Variants in DGKH observed in about 807,000 individuals in gnomAD.
DGKH encodes DAG kinase eta.
Under a neutral mutation model 159.3 loss-of-function variants are expected in DGKH, and 90 were observed. That is an observed-to-expected ratio of 0.57 (90% confidence interval 0.48 to 0.67). The LOEUF (loss-of-function observed/expected upper bound fraction) is 0.67. Among genes scored for constraint, DGKH ranks in the 30% least tolerant of loss-of-function variants. The probability of loss-of-function intolerance (pLI) is 0.00; values close to 1 mark genes in which losing one functional copy is unlikely to be tolerated. For synonymous variants in DGKH, 536 were observed against 553.8 expected, an observed-to-expected ratio of 0.97 and a Z score of 0.45; for missense variants, 1,181 against 1,506.1, an observed-to-expected ratio of 0.78 and a Z score of 3.57.
At chr13:42,155,477 T>C in intron 4 of DGKH, 82 bp downstream of exon 4, 9 of 1,481,268 alleles carry the variant, frequency 6.1e-6, no homozygotes, top group Non-Finnish European at 8.4e-6. Flanking sequence ...CGTGCAAACA[T>C]AAGTATGTGT....
At chr13:42,046,740 T>C (rs1880814407), upstream of DGKH, among the ~76,000 whole-genome samples, 2 of 152,330 alleles carry the variant, frequency 1.3e-5, no homozygotes, top group Middle Eastern at 6.8e-3. Context: ...ACATAATGTA[T>C]GAATAGAAGT....
In DGKH at chr13:42,240,463, C is replaced by T. The variant is rs1958494369; in HGVS notation, c.*11275C>T. ...TTCTTAAATATGCCCTAAAGATCATCTTTCTCTTTTATAGACATTTAGTGT... is the reference window on the plus strand; with the variant it reads ...TTCTTAAATATGCCCTAAAGATCATTTTTCTCTTTTATAGACATTTAGTGT... On this transcript the variant is annotated 3_prime_UTR_variant, in exon 30 of 30. Coordinates refer to ENST00000337343, the MANE Select transcript of DGKH (RefSeq NM_178009.5). 1 of 152,196 alleles carries T rather than the reference C, an allele frequency of 6.6e-6. No homozygotes were observed. Among genetic ancestry groups the T allele is most frequent in the Admixed American group, 6.5e-5 (1 of 15,286 alleles). The allele number at this position is 152,196 out of a possible 1,614,324, so 9.4% of individuals were successfully genotyped here. A position where few individuals can be genotyped will look rare whatever the true frequency, so the allele number is the denominator to read the frequency against.
intron 26 of DGKH, among the ~76,000 whole-genome samples, chr13:42,216,259 T>C (rs2138226457): frequency 6.6e-6 from 1 of 152,352 alleles, no homozygotes; most frequent in Non-Finnish European, 1.5e-5. Flanking sequence ...TAGCCTTTCT[T>C]TATAAATACC....
chr13:42,196,864 G>A (rs1412916564), intron 17 of DGKH, among the ~76,000 whole-genome samples: 1 of 152,192 alleles, frequency 6.6e-6, no homozygotes, highest in African/African-American at 2.4e-5. Context: ...AGGCCTTCAG[G>A]TTTAGATGCT....
upstream of DGKH, chr13:42,048,623 G>A (rs1233576946): frequency 1.9e-6 from 2 of 1,028,002 alleles, no homozygotes; most frequent in Non-Finnish European, 2.5e-6. This position sits in a 1 kb window ranked among gnomAD's most constrained non-coding sequence, Gnocchi z 6.7. Context: ...TGCCCCGGGC[G>A]ACCCTTACCT....
At position 42,048,961 on chromosome 13, in the gene DGKH, C is replaced by G; in HGVS notation, c.188C>G (p.Thr63Ser). ...RKVSTSGQIR[T>S]KTSIKEGQLL... ...GTGTCTACCTCGGGGCAGATCCGGACCAAGGTAGGGCGGAGGAGGCGGGCC... is the reference window on the plus strand; with the variant it reads ...GTGTCTACCTCGGGGCAGATCCGGAGCAAGGTAGGGCGGAGGAGGCGGGCC... Residue 63 changes from threonine (T) to serine (S), a missense_variant, in exon 1 of 30, where the codon ACC becomes AGC. Thr to Ser is a moderately conservative substitution (Grantham distance 58, BLOSUM62 1). This residue lies in a region of DGKH where 136 missense variants were observed against 132.2 expected (regional missense o/e 1.03). Coordinates refer to ENST00000337343, the MANE Select transcript of DGKH (RefSeq NM_178009.5). The surrounding 1 kb of genome is among the most constrained non-coding windows in gnomAD (Gnocchi z 6.7). The G allele has an allele frequency of 7.7e-7, 1 of 1,296,758 alleles. No individual in the cohort carries two copies. Among genetic ancestry groups the G allele is most frequent in the Non-Finnish European group, 9.9e-7 (1 of 1,014,706 alleles). The allele number at this position is 1,296,758 out of a possible 1,614,324, so 80.3% of individuals were successfully genotyped here. A position where few individuals can be genotyped will look rare whatever the true frequency, so the allele number is the denominator to read the frequency against.
At chr13:42,097,930 A>G (rs536583497) in intron 1 of DGKH, among the ~76,000 whole-genome samples, 1 of 152,320 alleles carries the variant, frequency 6.6e-6, no homozygotes, top group African/African-American at 2.4e-5. Context: ...TTGTTTGTTC[A>G]AGTGAGTTGA....
At chr13:42,067,029 A>G (rs1882629865) in intron 1 of DGKH, among the ~76,000 whole-genome samples, 1 of 152,150 alleles carries the variant, frequency 6.6e-6, no homozygotes, top group Non-Finnish European at 1.5e-5. Context: ...ATATGTATAT[A>G]CACATATTCT....
At position 42,163,559 on chromosome 13, in the gene DGKH, G is replaced by A. The variant is rs201053206; in HGVS notation, c.856-1772G>A. ...ACTTTTTAATGATTGCCATTCTAAC[G>A]GGTGTGAGATGGTATCTCATTGTGG... On this transcript the variant is annotated intron_variant, in intron 7 of 29. Coordinates refer to ENST00000337343, the MANE Select transcript of DGKH (RefSeq NM_178009.5). Among the ~76,000 whole-genome samples, 1,210 of 152,172 alleles carry A rather than the reference G, an allele frequency of 8.0e-3. 18 individuals are homozygous for A. The highest frequency in any genetic ancestry group is 0.011 in the Non-Finnish European group (774 of 67,992).
intron 1 of DGKH, among the ~76,000 whole-genome samples, chr13:42,061,258 C>A (rs899007218): frequency 1.3e-5 from 2 of 152,180 alleles, no homozygotes; most frequent in African/African-American, 4.8e-5. Context: ...TGATCTGCGC[C>A]ATCTTGTCTG....
chr13:42,138,523 GATGAATGA>G (rs1316239681), intron 3 of DGKH, among the ~76,000 whole-genome samples: 1 of 152,200 alleles, frequency 6.6e-6, no homozygotes, highest in Non-Finnish European at 1.5e-5. Flanking sequence ...ATCCTTGTTG[GATGAATGA>G]ATTAGTGACA....
intron 2 of DGKH, 128 bp from the exon 3 acceptor site, chr13:42,129,424 A>G: frequency 1.4e-6 from 1 of 704,908 alleles, no homozygotes; most frequent in Non-Finnish European, 2.3e-6. Flanking sequence ...AAGAAATTGC[A>G]GAAAGTACCA....
chr13:42,123,915 A>G (rs1407381727), intron 1 of DGKH, among the ~76,000 whole-genome samples: 1 of 152,224 alleles, frequency 6.6e-6, no homozygotes, highest in African/African-American at 2.4e-5. Context: ...GGATGCAAGG[A>G]AAGTTTTGAG....
intron 1 of DGKH, among the ~76,000 whole-genome samples, chr13:42,055,488 C>T (rs1881687015): frequency 1.3e-5 from 2 of 152,120 alleles, no homozygotes; most frequent in Admixed American, 1.3e-4. Context: ...TAAACCTTTA[C>T]ATATAACTTA....
Position 42,229,179 on chromosome 13 carries a change from G to C in DGKH, c.3654G>C (p.Ser1218=). Residue 1218 remains serine (S), a synonymous_variant, in exon 30 of 30, where the codon TCG becomes TCC. Coordinates refer to ENST00000337343, the MANE Select transcript of DGKH (RefSeq NM_178009.5). The part of the protein sequence containing the change: ...IKELGRSTPQ[S]EV ...AGCTTGGAAGGAGCACTCCACAGTCGGAGGTGTAATCATATTGGTGCTATT... is the reference window on the plus strand; with the variant it reads ...AGCTTGGAAGGAGCACTCCACAGTCCGAGGTGTAATCATATTGGTGCTATT... The C allele has an allele frequency of 6.2e-7, 1 of 1,608,926 alleles. No homozygotes were observed. The highest frequency in any genetic ancestry group is 8.5e-7 in the Non-Finnish European group (1 of 1,178,588).
At position 42,159,263 on chromosome 13, in the gene DGKH, T is replaced by TTTTTTTTTTTTTTTGTTTTTTTTTTTTTG; in HGVS notation, c.623-3_623-2insTTTTTTTTTTTTTTGTTTTTTTTTTTTTG. ...GTTGCTCTTTTTTTTTTTTTTTTTT[T>TTTTTTTTTTTTTTTGTTTTTTTTTTTTTG]AGTGTGTAAATTCAAGGCTCACAAA... On this transcript the variant is annotated splice_polypyrimidine_tract_variant and splice_region_variant and intron_variant, in intron 5 of 29. Transcript: ENST00000337343. 1 of 1,249,720 alleles carries TTTTTTTTTTTTTTTGTTTTTTTTTTTTTG rather than the reference T, an allele frequency of 8.0e-7. No homozygotes were observed. 77.4% of individuals were successfully genotyped at this position (1,249,720 alleles called of 1,614,324 possible). A position where few individuals can be genotyped will look rare whatever the true frequency, so the allele number is the denominator to read the frequency against.
intron 1 of DGKH, among the ~76,000 whole-genome samples, chr13:42,120,556 C>T (rs550314011): frequency 7.9e-5 from 12 of 152,122 alleles, no homozygotes; most frequent in Admixed American, 5.2e-4. Context: ...TATCAAATTA[C>T]GCTGTTTCAA....
rs1282797937 is a variant in DGKH at position 42,187,042 on chromosome 13, C to T, written c.1539-7C>T. ...TTACTAAATTGTACAACTTCTTTTC[C>T]TCAAAGGACGCTATGTGAAACTGTA... On this transcript the variant is annotated splice_polypyrimidine_tract_variant and splice_region_variant and intron_variant, in intron 13 of 29. Transcript: ENST00000337343. 1.2e-6 allele frequency: 2 copies of T among 1,612,098 alleles called. No individual in the cohort carries two copies. The highest frequency in any genetic ancestry group is 1.3e-5 in the African/African-American group (1 of 74,852).
At chr13:42,163,281 G>T (rs1956236233) in intron 7 of DGKH, among the ~76,000 whole-genome samples, 1 of 152,124 alleles carries the variant, frequency 6.6e-6, no homozygotes, top group East Asian at 1.9e-4. Flanking sequence ...ATTTGGGTTG[G>T]TTCCAAGTCT....
Sources: allele counts gnomAD v4.1 joint callset (sites outside exome capture counted in the v4.1 genomes callset), GRCh38; gene constraint gnomAD v4.1.1; regional missense constraint gnomAD v4.1.1; non-coding constraint Gnocchi (gnomAD v3.1); transcripts MANE v1.5; gene names NCBI Gene and HGNC (gene_info 2026-07-23, HGNC 2026-07-21).